PCNX2: variants seen among roughly 807,000 people sequenced by gnomAD.
The protein encoded by PCNX2 is pecanex-like protein 2.
A neutral mutation model predicts 223.8 loss-of-function variants in PCNX2; 168 were observed. The ratio of observed to expected loss-of-function variants is 0.75; its 90% CI spans 0.66 to 0.85. The LOEUF (loss-of-function observed/expected upper bound fraction) is 0.85. PCNX2 is among the 40% of genes least tolerant of loss of function. The pLI is 0.00. For synonymous variants in PCNX2, 1,006 were observed against 1,052.6 expected, an observed-to-expected ratio of 0.96 and a Z score of 0.86; for missense variants, 2,507 against 2,675.5, an observed-to-expected ratio of 0.94 and a Z score of 1.39.
chr1:233,016,783 C>T, intron 27 of PCNX2, 138 bp downstream of exon 27: 1 of 1,424,586 alleles, frequency 7.0e-7, no homozygotes, highest in Non-Finnish European at 9.2e-7. Flanking sequence ...CTTCAATAAA[C>T]ATCTGTCCAA....
chr1:233,284,383 T>C (rs1317196109), intron 1 of PCNX2, among the ~76,000 whole-genome samples: 1 of 152,072 alleles, frequency 6.6e-6, no homozygotes, highest in Non-Finnish European at 1.5e-5. Flanking sequence ...ATACATGCTG[T>C]TCCCCTTGCT....
intron 24 of PCNX2, among the ~76,000 whole-genome samples, chr1:233,056,681 G>A (rs1328682905): frequency 6.6e-6 from 1 of 152,078 alleles, no homozygotes; most frequent in Admixed American, 6.6e-5. Context: ...AAGGGAGTGA[G>A]GAGGACAAAA....
intron 23 of PCNX2, among the ~76,000 whole-genome samples, chr1:233,084,782 T>C (rs1673520458): frequency 6.6e-6 from 1 of 152,228 alleles, no homozygotes; most frequent in South Asian, 2.1e-4. Flanking sequence ...AATATCAGAA[T>C]GTATTTCTAA....
intron 1 of PCNX2, among the ~76,000 whole-genome samples, chr1:233,287,098 G>A (rs952367866): frequency 2.0e-5 from 3 of 152,176 alleles, no homozygotes; most frequent in Admixed American, 6.5e-5. Flanking sequence ...AGGAACAGTG[G>A]AAGACAAATA....
At position 233,100,697 on chromosome 1, in the gene PCNX2, A is replaced by G. The variant is rs184167702; in HGVS notation, c.3838-4834T>C. Among the ~76,000 whole-genome samples the G allele has an allele frequency of 1.6e-4, 25 of 152,176 alleles. No individual in the cohort carries two copies. In the East Asian group the frequency reaches 4.3e-3, roughly 26 times the overall value. ...GTCTGGAGACACCCCTCCCACACACACTGTCTTTCCCTCAATGAAATAACT... is the reference window on the plus strand; with the variant it reads ...GTCTGGAGACACCCCTCCCACACACGCTGTCTTTCCCTCAATGAAATAACT... On this transcript the variant is annotated intron_variant, in intron 21 of 33. Coordinates refer to ENST00000258229, the MANE Select transcript of PCNX2 (RefSeq NM_014801.4).
intron 1 of PCNX2, chr1:233,291,566 C>T: frequency 1.6e-6 from 1 of 642,104 alleles, no homozygotes; most frequent in Non-Finnish European, 1.9e-6. Flanking sequence ...CGAGATTGCG[C>T]CATTGCACTC....
chr1:233,128,095 T>A (rs1268455486), intron 21 of PCNX2, among the ~76,000 whole-genome samples: 4 of 152,142 alleles, frequency 2.6e-5, no homozygotes, highest in Non-Finnish European at 5.9e-5. Flanking sequence ...CACATCACGG[T>A]TCTGGTGCGA....
Position 232,983,557 on chromosome 1 carries a change from C to T in PCNX2, c.*747G>A, listed in dbSNP as rs191971883. The T allele has an allele frequency of 5.3e-5, 8 of 152,324 alleles. No individual in the cohort carries two copies. In the East Asian group the frequency reaches 1.4e-3, roughly 26 times the overall value. The allele number at this position is 152,324 out of a possible 1,614,324, so 9.4% of individuals were successfully genotyped here. ...AAGCCCGCAGGGTGCTGGCGGCCCACCAATCGCCTGGACTACAGTGAGGAG... is the reference window on the plus strand; with the variant it reads ...AAGCCCGCAGGGTGCTGGCGGCCCATCAATCGCCTGGACTACAGTGAGGAG... On this transcript the variant is annotated 3_prime_UTR_variant, in exon 34 of 34. Transcript: ENST00000258229.
intron 19 of PCNX2, among the ~76,000 whole-genome samples, chr1:233,154,049 T>C (rs1318013412): frequency 6.6e-6 from 1 of 152,138 alleles, no homozygotes; most frequent in Non-Finnish European, 1.5e-5. Flanking sequence ...ACAATTTAAA[T>C]AGATGTTTAA....
intron 23 of PCNX2, among the ~76,000 whole-genome samples, chr1:233,060,417 G>A (rs756862450): frequency 5.3e-5 from 8 of 152,144 alleles, no homozygotes; most frequent in Non-Finnish European, 8.8e-5. Flanking sequence ...ATGTTCACTG[G>A]AAAGCTATCT....
intron 7 of PCNX2, among the ~76,000 whole-genome samples, chr1:233,251,344 C>G (rs1659440132): frequency 6.6e-6 from 1 of 152,166 alleles, no homozygotes; most frequent in Non-Finnish European, 1.5e-5. Flanking sequence ...ATGTGTCAGT[C>G]TGTTAATGAG....
At chr1:233,019,607 AT>A (rs977623330) in intron 26 of PCNX2, among the ~76,000 whole-genome samples, 6 of 152,116 alleles carry the variant, frequency 3.9e-5, no homozygotes, top group Admixed American at 1.3e-4. Flanking sequence ...TGCCTTTGAC[AT>A]CTGTGACTTA....
rs5781728 is a variant in PCNX2 at position 233,126,208 on chromosome 1, TAA to T, written c.3837+8803_3837+8804del. 8 of 145,660 alleles carry T rather than the reference TAA, an allele frequency of 5.5e-5. No homozygotes were observed. Among genetic ancestry groups the T allele is most frequent in the Non-Finnish European group, 1.1e-4 (7 of 65,984 alleles). 9.0% of individuals were successfully genotyped at this position (145,660 alleles called of 1,614,324 possible). ...CTGGGTGACAGGGCAAGACTCCGTC[TAA>T]AAAAAAAAAAAATTATCTTTTGTCA... On this transcript the variant is annotated intron_variant, in intron 21 of 33. Coordinates refer to ENST00000258229, the MANE Select transcript of PCNX2 (RefSeq NM_014801.4). The surrounding 1 kb of genome is among the most constrained non-coding windows in gnomAD (Gnocchi z 4.8).
intron 8 of PCNX2, chr1:233,241,042 C>A: frequency 2.0e-6 from 1 of 499,644 alleles, no homozygotes; most frequent in Non-Finnish European, 2.6e-6. Flanking sequence ...GGGCACAAGG[C>A]GCATAGAGGG....
At chr1:233,314,261 T>A in the PCNX2 span, among the ~76,000 whole-genome samples, 1 of 152,198 alleles carries the variant, frequency 6.6e-6, no homozygotes, top group Non-Finnish European at 1.5e-5. Flanking sequence ...TACATCTATC[T>A]CTGGATGTAT....
chr1:233,033,119 A>G, intron 25 of PCNX2: 1 of 985,440 alleles, frequency 1.0e-6, no homozygotes, highest in Non-Finnish European at 1.2e-6. Flanking sequence ...TCAAGCTGGC[A>G]AGGCTGTCTC....
chr1:233,013,355 G>T lies in PCNX2; in HGVS notation c.4952+1310C>A, dbSNP rs142656267. ...CCTCCAGAGGAAAATGAAAAGCGCT[G>T]CCAGCCACACACTTTACCCTTTATC... On this transcript the variant is annotated intron_variant, in intron 28 of 33. Transcript: ENST00000258229. Among the ~76,000 whole-genome samples, 1,014 of 152,266 alleles carry T rather than the reference G, an allele frequency of 6.7e-3. 10 individuals are homozygous for T. The highest frequency in any genetic ancestry group is 0.024 in the African/African-American group (977 of 41,558).
chr1:233,206,273 C>G (rs1484834179), intron 13 of PCNX2, among the ~76,000 whole-genome samples: 1 of 152,062 alleles, frequency 6.6e-6, no homozygotes, highest in Non-Finnish European at 1.5e-5. Context: ...TCTTGGACAT[C>G]TTCCAAAATT....
At chr1:233,248,048 A>G (rs1178311281) in intron 8 of PCNX2, among the ~76,000 whole-genome samples, 1 of 152,116 alleles carries the variant, frequency 6.6e-6, no homozygotes, top group East Asian at 1.9e-4. Flanking sequence ...TGCCCATTGG[A>G]GCATTCACAC....
Sources: gnomAD v4.1 joint callset for allele counts (sites outside exome capture counted in the v4.1 genomes callset) on GRCh38, gnomAD v4.1.1 for gene constraint, Gnocchi (gnomAD v3.1) non-coding constraint, MANE v1.5 for transcripts, NCBI Gene and HGNC (gene_info 2026-07-23, HGNC 2026-07-21) for gene names.